R3HCC1L: variants seen among roughly 807,000 people sequenced by gnomAD.
R3HCC1L encodes coiled-coil domain-containing protein R3HCC1L.
A neutral mutation model predicts 59.9 loss-of-function variants in R3HCC1L; 51 were observed. The ratio of observed to expected loss-of-function variants is 0.85; its 90% CI spans 0.68 to 1.07. The LOEUF (loss-of-function observed/expected upper bound fraction) is 1.07, where lower values mean the gene tolerates loss of function less well. R3HCC1L is among the 50% of genes least tolerant of loss of function. R3HCC1L has a pLI of 0.00. For missense variants in R3HCC1L, 965 were observed against 933.0 expected (o/e 1.03, Z -0.45); for synonymous variants, 322 against 315.2 (o/e 1.02, Z -0.23).
chr10:98,200,294 TAAAC>T lies in R3HCC1L; in HGVS notation c.-14-7803_-14-7800del, dbSNP rs1232939050. ...CAATAGGCTATTAGTGAGAAATTGA[TAAAC>T]AAAACCAGGATACATGGTTGCAATA... On this transcript the variant is annotated intron_variant, in intron 4 of 9. Coordinates refer to ENST00000298999, the MANE Select transcript of R3HCC1L (RefSeq NM_001351015.2). Among the ~76,000 whole-genome samples, 13 of 152,222 alleles carry T rather than the reference TAAAC, an allele frequency of 8.5e-5. No homozygotes were observed. The East Asian group carries it at 1.9e-3, about 23-fold the overall frequency.
intron 4 of R3HCC1L, among the ~76,000 whole-genome samples, chr10:98,177,429 A>G (rs1849145830): frequency 6.6e-6 from 1 of 152,162 alleles, no homozygotes; most frequent in Non-Finnish European, 1.5e-5. Context: ...CCAGTCTATC[A>G]TTGATGGACA....
intron 9 of R3HCC1L, among the ~76,000 whole-genome samples, chr10:98,238,075 G>A (rs1158196923): frequency 6.6e-6 from 1 of 152,028 alleles, no homozygotes; most frequent in Non-Finnish European, 1.5e-5. Context: ...AAAACCATAG[G>A]TACTCTCTTG....
intron 9 of R3HCC1L, 73 bp from the exon 10 acceptor site, chr10:98,244,018 G>A (rs2135803893): frequency 2.2e-6 from 3 of 1,381,278 alleles, no homozygotes; most frequent in Non-Finnish European, 3.1e-6. Flanking sequence ...AGTTTGCCTT[G>A]TAATTTGGAT....
chr10:98,241,192 G>A (rs1032068883), intron 9 of R3HCC1L, among the ~76,000 whole-genome samples: 1 of 152,036 alleles, frequency 6.6e-6, no homozygotes, highest in African/African-American at 2.4e-5. Context: ...AATAAGATTC[G>A]TTTGACCAGA....
chr10:98,142,431 A>G (rs1215881970), intron 1 of R3HCC1L, among the ~76,000 whole-genome samples: 2 of 151,980 alleles, frequency 1.3e-5, no homozygotes, highest in African/African-American at 4.8e-5. Flanking sequence ...TAAGGCCAGG[A>G]GTTCGAGACC....
At chr10:98,154,438 A>T (rs574641246) in intron 1 of R3HCC1L, among the ~76,000 whole-genome samples, 1 of 152,306 alleles carries the variant, frequency 6.6e-6, no homozygotes, top group African/African-American at 2.4e-5. Context: ...GGGTACCTGC[A>T]TTGTGACTGC....
chr10:98,179,909 T>TA (rs1849461684), intron 4 of R3HCC1L, among the ~76,000 whole-genome samples: 1 of 152,244 alleles, frequency 6.6e-6, no homozygotes, highest in Admixed American at 6.5e-5. Context: ...TTGGTGGTGA[T>TA]ATCCCATTTA....
intron 5 of R3HCC1L, among the ~76,000 whole-genome samples, chr10:98,213,011 C>T (rs1269391281): frequency 1.3e-5 from 2 of 152,144 alleles, no homozygotes; most frequent in Admixed American, 1.3e-4. Context: ...ACCCATCTTA[C>T]TTCTCAGTGT....
intron 5 of R3HCC1L, among the ~76,000 whole-genome samples, chr10:98,222,036 G>T (rs1855048437): frequency 6.6e-6 from 1 of 152,138 alleles, no homozygotes; most frequent in Admixed American, 6.6e-5. Context: ...CCATTTGTTT[G>T]TATCCTTTTT....
At chr10:98,205,585 C>T (rs966907647) in intron 4 of R3HCC1L, among the ~76,000 whole-genome samples, 4 of 152,158 alleles carry the variant, frequency 2.6e-5, no homozygotes, top group Admixed American at 2.0e-4. Context: ...CTACAAAGGA[C>T]ACTTGGAAAG....
rs111562642 is a variant in R3HCC1L at position 98,165,001 on chromosome 10, C to T, written c.-15+1604C>T. 1.2e-3 allele frequency among the ~76,000 whole-genome samples: 179 copies of T among 152,254 alleles called. 2 individuals are homozygous for T. Among genetic ancestry groups the T allele is most frequent in the African/African-American group, 4.2e-3 (173 of 41,542 alleles). ...TTGCCTGGGCATGGCAGCTCACCCC[C>T]GTAATCCCAGCACTTTGGGAGGCCC... is the stretch of plus-strand genomic sequence containing the variant. On this transcript the variant is annotated intron_variant, in intron 4 of 9. Transcript: ENST00000298999.
At chr10:98,200,416 A>G (rs1851906944) in intron 4 of R3HCC1L, among the ~76,000 whole-genome samples, 1 of 152,132 alleles carries the variant, frequency 6.6e-6, no homozygotes, top group Admixed American at 6.5e-5. Flanking sequence ...CTTGTAACTT[A>G]AGGGATTCAA....
intron 1 of R3HCC1L, among the ~76,000 whole-genome samples, chr10:98,134,907 C>T (rs538717050): frequency 1.2e-3 from 182 of 152,284 alleles, no homozygotes; most frequent in African/African-American, 4.1e-3. Context: ...CCTGCGGGCC[C>T]GCGGTTGAGA....
intron 4 of R3HCC1L, among the ~76,000 whole-genome samples, chr10:98,192,936 C>G (rs1354967145): frequency 6.6e-6 from 1 of 152,010 alleles, no homozygotes; most frequent in Non-Finnish European, 1.5e-5. Context: ...ACACCATGAC[C>G]AAGTGGAATT....
intron 5 of R3HCC1L, among the ~76,000 whole-genome samples, 198 bp from the exon 6 acceptor site, chr10:98,231,314 C>G (rs1856358066): frequency 6.6e-6 from 1 of 152,010 alleles, no homozygotes; most frequent in Admixed American, 6.6e-5. Context: ...TTCAACAGTT[C>G]CATATGTATA....
chr10:98,169,194 T>G (rs1848262023), intron 4 of R3HCC1L, among the ~76,000 whole-genome samples: 1 of 152,222 alleles, frequency 6.6e-6, no homozygotes. Context: ...TTTTTGGTTG[T>G]TTTGCAGTTA....
intron 9 of R3HCC1L, among the ~76,000 whole-genome samples, chr10:98,241,699 A>T (rs184157022): frequency 1.3e-5 from 2 of 151,734 alleles, no homozygotes; most frequent in African/African-American, 4.8e-5. Flanking sequence ...TGTTTATACA[A>T]TTTTTTTCAT....
At chr10:98,211,237 T>C in intron 5 of R3HCC1L, 1 of 957,166 alleles carries the variant, frequency 1.0e-6, no homozygotes, top group South Asian at 1.5e-5. Context: ...GCAGCATGAG[T>C]ATCACCTAGG....
intron 5 of R3HCC1L, among the ~76,000 whole-genome samples, chr10:98,224,172 AGT>A (rs1280403593): frequency 1.3e-5 from 2 of 151,808 alleles, no homozygotes; most frequent in African/African-American, 2.4e-5. Flanking sequence ...GGTGTGCATG[AGT>A]GACAGGTGGG....
Sources: allele counts gnomAD v4.1 joint callset (sites outside exome capture counted in the v4.1 genomes callset), GRCh38; gene constraint gnomAD v4.1.1; transcripts MANE v1.5; gene names NCBI Gene and HGNC (gene_info 2026-07-23, HGNC 2026-07-21).